Variants in ZNF846 observed in about 807,000 individuals in gnomAD.
The protein encoded by ZNF846 is zinc finger protein 846, also known as zinc finger protein 420 pseudogene.
In ZNF846, 15 loss-of-function variants were observed where a neutral mutation model predicts 16.0. The observed-to-expected ratio is 0.94, with a 90% CI of 0.63 to 1.45. The LOEUF is 1.45. Among genes scored for constraint, ZNF846 ranks in the 40% most tolerant of loss-of-function variants. ZNF846 has a pLI of 0.00. For synonymous variants in ZNF846, 229 were observed against 212.0 expected, an observed-to-expected ratio of 1.08 and a Z score of -0.70; for missense variants, 714 against 622.3, an observed-to-expected ratio of 1.15 and a Z score of -1.57.
intron 1 of ZNF846, among the ~76,000 whole-genome samples, chr19:9,778,431 T>C (rs1216581419): frequency 6.6e-6 from 1 of 152,046 alleles, no homozygotes; most frequent in Non-Finnish European, 1.5e-5. Context: ...AGGAGTAAAA[T>C]CATCCCCATT....
chr19:9,765,048 A>G lies in ZNF846; in HGVS notation c.-85-13T>C. 7.5e-7 allele frequency: 1 copy of G among 1,330,476 alleles called. No homozygotes were observed. Among genetic ancestry groups the G allele is most frequent in the South Asian group, 1.2e-5 (1 of 85,350 alleles). 82.4% of individuals were successfully genotyped at this position (1,330,476 alleles called of 1,614,324 possible). A position where few individuals can be genotyped will look rare whatever the true frequency, so the allele number is the denominator to read the frequency against. ...TGGAAAAAATGACCTTTGGAAAAGA[A>G]TAATGGCATGTCAGTTGGATACATC... On this transcript the variant is annotated splice_polypyrimidine_tract_variant and intron_variant, in intron 1 of 5. Coordinates refer to ENST00000397902, the Ensembl canonical transcript of ZNF846.
chr19:9,750,863 C>T (rs2045078209), downstream of ZNF846, among the ~76,000 whole-genome samples: 1 of 152,174 alleles, frequency 6.6e-6, no homozygotes, highest in African/African-American at 2.4e-5. Context: ...CAGTTGTCCT[C>T]CAGAACTGCC....
intron 2 of ZNF846, 195 bp downstream of exon 2, chr19:9,764,741 G>C (rs1383072509): frequency 3.2e-6 from 2 of 632,482 alleles, no homozygotes; most frequent in Non-Finnish European, 5.6e-6. Context: ...CTGCTGGCCA[G>C]ATCCCGCAAT....
intron 1 of ZNF846, among the ~76,000 whole-genome samples, chr19:9,765,277 A>C (rs2045296725): frequency 6.6e-6 from 1 of 152,292 alleles, no homozygotes; most frequent in East Asian, 1.9e-4. Context: ...CGGGAGGCCG[A>C]GGTGGGGGAA....
Position 9,762,841 on chromosome 19 carries a change from T to G in ZNF846, c.142+441A>C, listed in dbSNP as rs2045251114. ...TAATGCTTTAAGAAAGTTTACAAGC[T>G]TGTTCTATAAAGTAATGCCCAGGCC... On this transcript the variant is annotated intron_variant, in intron 3 of 5. Coordinates refer to ENST00000397902, the Ensembl canonical transcript of ZNF846. Among the ~76,000 whole-genome samples the G allele has an allele frequency of 2.0e-5, 3 of 152,278 alleles. No individual in the cohort carries two copies. The East Asian group carries it at 5.8e-4, about 29-fold the overall frequency.
chr19:9,763,088 T>C (rs1035884040), intron 3 of ZNF846, among the ~76,000 whole-genome samples, 194 bp downstream of exon 3: 1 of 148,164 alleles, frequency 6.7e-6, no homozygotes, highest in Non-Finnish European at 1.5e-5. Context: ...GGCTTTGCAG[T>C]AAGCAGAGAC....
At chr19:9,763,631 G>A (rs962026453) in intron 2 of ZNF846, among the ~76,000 whole-genome samples, 2 of 152,148 alleles carry the variant, frequency 1.3e-5, no homozygotes, top group African/African-American at 4.8e-5. Context: ...TTTACAATGG[G>A]CTCTTCTGGC....
rs745509376 is a variant in ZNF846 at position 9,757,478 on chromosome 19, G to C, written c.1599C>G (p.Thr533=). 21 of 1,567,370 alleles carry C rather than the reference G, an allele frequency of 1.3e-5. No homozygotes were observed. In the East Asian group the frequency reaches 2.5e-4, roughly 18 times the overall value. The change falls in exon 6 of 6, where the codon ACC becomes ACG. Residue 533 remains threonine, a synonymous_variant. Transcript: ENST00000397902. Reference sequence around the variant, plus strand: ...ATACTAAGATCTGAGGAACACTTCAGGTTTTTTCACATGCCTTAGTTCTTA... The same window carrying C: ...ATACTAAGATCTGAGGAACACTTCACGTTTTTTCACATGCCTTAGTTCTTA...
At position 9,775,193 on chromosome 19, in the gene ZNF846, ATGTGTGTGTG is replaced by A. The variant is rs113690294; in HGVS notation, c.-85-10168_-85-10159del. Reference sequence around the variant, plus strand: ...TATATACATATATATGTGTATATATATGTGTGTGTGTGTGTGTGTGTATATATATATAACA... The same window carrying A: ...TATATACATATATATGTGTATATATATGTGTGTGTGTATATATATATAACA... On this transcript the variant is annotated intron_variant, in intron 1 of 4. Coordinates refer to the ZNF846 transcript ENST00000586814. Among the ~76,000 whole-genome samples, 3 of 149,524 alleles carry A rather than the reference ATGTGTGTGTG, an allele frequency of 2.0e-5. No homozygotes were observed. In the East Asian group the frequency reaches 5.9e-4, roughly 29 times the overall value.
At chr19:9,766,993 TTTA>T (rs2045326320) in intron 1 of ZNF846, among the ~76,000 whole-genome samples, 1 of 147,440 alleles carries the variant, frequency 6.8e-6, no homozygotes, top group Non-Finnish European at 1.5e-5. Context: ...CTTTTATTTA[TTTA>T]TTTTTTTTTT....
chr19:9,775,220 T>C lies in ZNF846; in HGVS notation c.-85-10185A>G, dbSNP rs953994612. Among the ~76,000 whole-genome samples, 5 of 151,700 alleles carry C rather than the reference T, an allele frequency of 3.3e-5. No individual in the cohort carries two copies. In the East Asian group the frequency reaches 7.7e-4, roughly 23 times the overall value. On this transcript the variant is annotated intron_variant, in intron 1 of 4. Transcript: ENST00000586814. Reference sequence around the variant, plus strand: ...GTGTGTGTGTGTGTGTGTGTATATATATATAACAATCCCAATAAAAAACCA... The same window carrying C: ...GTGTGTGTGTGTGTGTGTGTATATACATATAACAATCCCAATAAAAAACCA...
chr19:9,764,724 C>G (rs1397674339), intron 2 of ZNF846: 40 of 593,870 alleles, frequency 6.7e-5, no homozygotes, highest in Non-Finnish European at 8.1e-5. Flanking sequence ...CCCCGTTGCA[C>G]TGTGGGCTGC....
chr19:9,773,935 A>G (rs1360354979), intron 1 of ZNF846, among the ~76,000 whole-genome samples: 1 of 152,228 alleles, frequency 6.6e-6, no homozygotes, highest in Non-Finnish European at 1.5e-5. Flanking sequence ...CTAAAAACCA[A>G]TGGCATTCAT....
At chr19:9,783,887 G>A (rs2045531000) in intron 1 of ZNF846, among the ~76,000 whole-genome samples, 1 of 151,890 alleles carries the variant, frequency 6.6e-6, no homozygotes, top group South Asian at 2.1e-4. Flanking sequence ...TATTTTTGTA[G>A]ATACCGGGTT....
intron 4 of ZNF846, among the ~76,000 whole-genome samples, chr19:9,761,003 G>C (rs1214245412): frequency 6.6e-6 from 1 of 151,628 alleles, no homozygotes; most frequent in East Asian, 1.9e-4. Context: ...TTTGAGACCA[G>C]CCTGGCCAAC....
upstream of ZNF846, among the ~76,000 whole-genome samples, chr19:9,772,341 T>A (rs2045396562): frequency 6.6e-6 from 1 of 152,166 alleles, no homozygotes; most frequent in Non-Finnish European, 1.5e-5. Context: ...GGCTCACACC[T>A]GTAATCCCAG....
In ZNF846 at chr19:9,763,271, G is replaced by A. The variant is rs78197630; in HGVS notation, c.142+11C>T. 63,175 of 1,556,958 alleles carry A rather than the reference G, an allele frequency of 0.041. 1,671 individuals carry two copies. Among genetic ancestry groups the A allele is most frequent in the South Asian group, 0.09 (7,420 of 82,602 alleles). On this transcript the variant is annotated intron_variant, in intron 3 of 5. Coordinates refer to ENST00000397902, the Ensembl canonical transcript of ZNF846. The stretch of plus-strand genomic sequence containing the variant: ...CTAAAGGGGTCAGTGAAGAAATGAT[G>A]CCAGTTTTACCTAGTATAATGAGAT...
rs543122285 is a variant in ZNF846 at position 9,757,772 on chromosome 19, C to T, written c.1305G>A (p.Ser435=). The T allele has an allele frequency of 3.5e-5, 57 of 1,613,142 alleles. No homozygotes were observed. The African/African-American group carries it at 3.8e-4, about 11-fold the overall frequency. The change falls in exon 6 of 6, where the codon TCG becomes TCA. Residue 435 remains serine (S), a synonymous_variant. Transcript: ENST00000397902. ...GAGTTCTTAAATGGGTACTAAGGCCCGAGGATTGAGTGAAAGCTTTCCCAC... is the reference window on the plus strand; with the variant it reads ...GAGTTCTTAAATGGGTACTAAGGCCTGAGGATTGAGTGAAAGCTTTCCCAC...
exon 6 of ZNF846, chr19:9,752,395 G>C (rs766639819): frequency 2.8e-6 from 1 of 354,346 alleles, no homozygotes. Flanking sequence ...ATCACCTGAA[G>C]TCAGGAGTTT....
Sources: gnomAD v4.1 joint callset for allele counts (sites outside exome capture counted in the v4.1 genomes callset) on GRCh38, gnomAD v4.1.1 for gene constraint, MANE v1.5 for transcripts, NCBI Gene and HGNC (gene_info 2026-07-23, HGNC 2026-07-21) for gene names.